Variants in ASTN1 observed in about 807,000 individuals in gnomAD.
The protein encoded by ASTN1 is astrotactin 1.
In ASTN1, 41 loss-of-function variants were observed where a neutral mutation model predicts 140.7. The observed-to-expected ratio is 0.29, with a 90% CI of 0.23 to 0.38. ASTN1 has a LOEUF of 0.38. Ranked by LOEUF, ASTN1 falls within the 10% of genes least tolerant of loss-of-function variation. The probability of loss-of-function intolerance (pLI) is 1.00; values close to 1 mark genes in which losing one functional copy is unlikely to be tolerated. For missense variants in ASTN1, 1,479 were observed against 1,678.8 expected, an observed-to-expected ratio of 0.88 and a Z score of 2.08; for synonymous variants, 640 against 652.2, an observed-to-expected ratio of 0.98 and a Z score of 0.29.
chr1:177,015,757 C>G (rs896843024), intron 7 of ASTN1, among the ~76,000 whole-genome samples: 2 of 151,932 alleles, frequency 1.3e-5, no homozygotes, highest in Admixed American at 6.6e-5. Context: ...TCCAAGATCC[C>G]CAAAAGATTA....
Position 176,861,757 on chromosome 1 carries a change from T to A in ASTN1, c.*2527A>T, listed in dbSNP as rs1264193970. The stretch of plus-strand genomic sequence containing the variant: ...AACGAGAAACAGGAGGAAGAAAGTC[T>A]TGGGGAAAGAGGAGGCCAAAAAAGG... On this transcript the variant is annotated 3_prime_UTR_variant, in exon 23 of 23. Coordinates refer to ENST00000361833, the MANE Select transcript of ASTN1 (RefSeq NM_004319.3). 1 of 984,960 alleles carries A rather than the reference T, an allele frequency of 1.0e-6. No homozygotes were observed. Among genetic ancestry groups the A allele is most frequent in the Non-Finnish European group, 1.2e-6 (1 of 829,932 alleles). 61.0% of individuals were successfully genotyped at this position (984,960 alleles called of 1,614,324 possible). A position where few individuals can be genotyped will look rare whatever the true frequency, so the allele number is the denominator to read the frequency against.
intron 1 of ASTN1, among the ~76,000 whole-genome samples, chr1:177,127,513 G>T (rs575538369): frequency 2.7e-4 from 41 of 152,214 alleles, no homozygotes; most frequent in African/African-American, 9.9e-4. Flanking sequence ...GTCCATTGGG[G>T]TCTGAAGCCC....
chr1:177,111,177 A>G (rs1404663131), intron 1 of ASTN1, among the ~76,000 whole-genome samples: 2 of 152,212 alleles, frequency 1.3e-5, no homozygotes, highest in Admixed American at 1.3e-4. Flanking sequence ...AGCTCACTGA[A>G]TTCTCACAAC....
intron 2 of ASTN1, among the ~76,000 whole-genome samples, chr1:177,041,840 T>C (rs1676989259): frequency 6.6e-6 from 1 of 152,112 alleles, no homozygotes; most frequent in East Asian, 1.9e-4. Context: ...CCCAGCTTAA[T>C]GGGGGAAAAG....
intron 1 of ASTN1, among the ~76,000 whole-genome samples, chr1:177,125,495 G>A (rs989137361): frequency 2.0e-5 from 3 of 152,158 alleles, no homozygotes; most frequent in African/African-American, 7.2e-5. Flanking sequence ...AAGAATGTAG[G>A]TTGCTTACCT....
At chr1:177,061,914 A>C (rs1290172449) in intron 1 of ASTN1, among the ~76,000 whole-genome samples, 1 of 152,232 alleles carries the variant, frequency 6.6e-6, no homozygotes, top group Non-Finnish European at 1.5e-5. Flanking sequence ...TACATGAAGA[A>C]GACAGTGAAG....
intron 1 of ASTN1, 59 bp from the exon 2 acceptor site, chr1:177,061,324 T>C (rs1246573566): frequency 1.4e-6 from 2 of 1,414,472 alleles, no homozygotes; most frequent in Non-Finnish European, 1.9e-6. Context: ...GTTTTTCATC[T>C]TCTTCCTCGC....
At chr1:177,132,928 A>T (rs1195631085) in intron 1 of ASTN1, among the ~76,000 whole-genome samples, 1 of 152,186 alleles carries the variant, frequency 6.6e-6, no homozygotes, top group East Asian at 1.9e-4. Context: ...AGATGTTCCA[A>T]TATTGGTGGT....
chr1:176,899,009 G>C (rs1054453223), intron 16 of ASTN1, among the ~76,000 whole-genome samples: 1 of 152,124 alleles, frequency 6.6e-6, no homozygotes, highest in South Asian at 2.1e-4. Context: ...ACCTCTGTTT[G>C]CAGAATTCAC....
rs1352090892 is a variant in ASTN1, at chr1:177,023,575, C to A, written c.1271-4G>T. ...TCCAGCAAGATGAAGCGGCTCCCTG[C>A]AGGGTGAGAGAAAGGAAGCATGCCT... On this transcript the variant is annotated splice_region_variant and splice_polypyrimidine_tract_variant and intron_variant, in intron 6 of 22. Coordinates refer to ENST00000361833, the MANE Select transcript of ASTN1 (RefSeq NM_004319.3). 4 of 1,577,914 alleles carry A rather than the reference C, an allele frequency of 2.5e-6. No homozygotes were observed. Among genetic ancestry groups the A allele is most frequent in the Non-Finnish European group, 3.4e-6 (4 of 1,166,160 alleles).
chr1:177,129,765 G>A (rs1338182101), intron 1 of ASTN1, among the ~76,000 whole-genome samples: 5 of 152,044 alleles, frequency 3.3e-5, no homozygotes, highest in African/African-American at 9.7e-5. Context: ...TCAGAAGATC[G>A]AGACCATCCT....
intron 7 of ASTN1, 53 bp from the exon 8 acceptor site, chr1:177,014,928 A>G: frequency 6.7e-7 from 1 of 1,494,790 alleles, no homozygotes. Flanking sequence ...ATTGATTAAC[A>G]TGTCTGTGTT....
chr1:176,959,908 G>T (rs1377919930), intron 9 of ASTN1, among the ~76,000 whole-genome samples: 2 of 152,156 alleles, frequency 1.3e-5, no homozygotes, highest in Non-Finnish European at 2.9e-5. Context: ...GTAGGTCTGT[G>T]CAGGGAGGTG....
intron 1 of ASTN1, among the ~76,000 whole-genome samples, chr1:177,116,924 C>T (rs550494862): frequency 9.9e-5 from 15 of 152,248 alleles, no homozygotes; most frequent in African/African-American, 3.1e-4. Context: ...CCAGGGGACC[C>T]GGGCTTCCAC....
At chr1:177,151,819 C>A (rs573969017) in intron 1 of ASTN1, among the ~76,000 whole-genome samples, 27 of 152,106 alleles carry the variant, frequency 1.8e-4, no homozygotes, top group Non-Finnish European at 3.4e-4. Context: ...AACTCTGTAG[C>A]CCATATGTGG....
chr1:176,862,281 G>A lies in ASTN1; in HGVS notation c.*2003C>T. ...AAATAAATCCTTCAGTGTTTGGAAA[G>A]AAGGAGAGAGGAGAGTGAAACCACC... On this transcript the variant is annotated 3_prime_UTR_variant, in exon 23 of 23. Coordinates refer to ENST00000361833, the MANE Select transcript of ASTN1 (RefSeq NM_004319.3). 1.0e-6 allele frequency: 1 copy of A among 985,366 alleles called. No individual in the cohort carries two copies. Among genetic ancestry groups the A allele is most frequent in the Non-Finnish European group, 1.2e-6 (1 of 829,860 alleles). 61.0% of individuals were successfully genotyped at this position (985,366 alleles called of 1,614,324 possible).
chr1:176,907,622 T>A (rs922074387), intron 16 of ASTN1, among the ~76,000 whole-genome samples: 1 of 152,178 alleles, frequency 6.6e-6, no homozygotes, highest in Non-Finnish European at 1.5e-5. Flanking sequence ...AAAGAATAGA[T>A]CTACATAATC....
At chr1:177,035,021 T>C (rs957533432) in intron 2 of ASTN1, among the ~76,000 whole-genome samples, 5 of 152,246 alleles carry the variant, frequency 3.3e-5, no homozygotes, top group African/African-American at 1.2e-4. Context: ...GTCTGAGGCA[T>C]AGACTCATTC....
intron 5 of ASTN1, among the ~76,000 whole-genome samples, chr1:177,025,703 T>C: frequency 6.6e-6 from 1 of 152,242 alleles, no homozygotes; most frequent in East Asian, 1.9e-4. Flanking sequence ...TTATTTTTAA[T>C]ATTTGCTTTC....
Sources: allele counts gnomAD v4.1 joint callset (sites outside exome capture counted in the v4.1 genomes callset), GRCh38; gene constraint gnomAD v4.1.1; transcripts MANE v1.5; gene names NCBI Gene and HGNC (gene_info 2026-07-23, HGNC 2026-07-21).